The following SLC4A4 variants were observed in gnomAD, a reference collection of about 807,000 sequenced individuals.
SLC4A4 encodes the protein electrogenic sodium bicarbonate cotransporter 1.
SLC4A4 carries 27 observed loss-of-function variants against 111.5 expected under a neutral mutation model. The ratio of observed to expected loss-of-function variants is 0.24; its 90% CI spans 0.18 to 0.33. The LOEUF (loss-of-function observed/expected upper bound fraction) is 0.33, where lower values mean the gene tolerates loss of function less well. Ranked by LOEUF, SLC4A4 falls within the 10% of genes least tolerant of loss-of-function variation. The probability of loss-of-function intolerance (pLI) is 1.00; values close to 1 mark genes in which losing one functional copy is unlikely to be tolerated. For missense variants in SLC4A4, 909 were observed against 1,315.5 expected, an observed-to-expected ratio of 0.69 and a Z score of 4.78; for synonymous variants, 443 against 463.4, an observed-to-expected ratio of 0.96 and a Z score of 0.57.
intron 2 of SLC4A4, among the ~76,000 whole-genome samples, chr4:71,248,576 G>A (rs946550342): frequency 6.6e-6 from 1 of 152,010 alleles, no homozygotes; most frequent in African/African-American, 2.4e-5. Flanking sequence ...TTTACATAGG[G>A]TAACCTGATT....
At chr4:71,475,298 A>G (rs1183025722) in intron 14 of SLC4A4, among the ~76,000 whole-genome samples, 1 of 151,832 alleles carries the variant, frequency 6.6e-6, no homozygotes, top group Non-Finnish European at 1.5e-5. Context: ...TTGTTTTATA[A>G]TTTGGATGTT....
At chr4:71,136,491 G>A (rs1428555380) in intron 2 of SLC4A4, among the ~76,000 whole-genome samples, 1 of 152,172 alleles carries the variant, frequency 6.6e-6, no homozygotes, top group African/African-American at 2.4e-5. Context: ...ATGTGGTGAT[G>A]TACAGCATTG....
intron 6 of SLC4A4, among the ~76,000 whole-genome samples, chr4:71,368,067 A>G (rs1731489323): frequency 6.6e-6 from 1 of 152,180 alleles, no homozygotes; most frequent in African/African-American, 2.4e-5. Context: ...ATGTAGTCTG[A>G]TGGCTAGATA....
chr4:71,365,763 A>G (rs1731191422), intron 6 of SLC4A4, among the ~76,000 whole-genome samples: 1 of 152,226 alleles, frequency 6.6e-6, no homozygotes. Flanking sequence ...CATTAACTAT[A>G]TTAGTAGTAG....
intron 2 of SLC4A4, among the ~76,000 whole-genome samples, chr4:71,238,656 G>A (rs2149040185): frequency 6.6e-6 from 1 of 152,278 alleles, no homozygotes; most frequent in Admixed American, 6.5e-5. Flanking sequence ...TAAGAAGATT[G>A]CTTATGGATT....
chr4:71,166,959 C>T (rs1744793389), intron 2 of SLC4A4, among the ~76,000 whole-genome samples: 2 of 152,074 alleles, frequency 1.3e-5, no homozygotes, highest in African/African-American at 4.8e-5. Context: ...GATCTGAATA[C>T]CACTGCTGCT....
Position 71,255,201 on chromosome 4 carries a change from A to T in SLC4A4, c.74-19A>T. 2 of 1,612,302 alleles carry T rather than the reference A, an allele frequency of 1.2e-6. No homozygotes were observed. The highest frequency in any genetic ancestry group is 1.7e-6 in the Non-Finnish European group (2 of 1,178,616). On this transcript the variant is annotated intron_variant, in intron 2 of 25. Transcript: ENST00000264485. ...AGAATGTGGTTTGAACTGACTGGTG[A>T]TTTGTGTACCTTCCTTAGGCCACCA...
chr4:71,272,785 A>T (rs2149082492), intron 3 of SLC4A4, among the ~76,000 whole-genome samples: 2 of 152,300 alleles, frequency 1.3e-5, no homozygotes, highest in Middle Eastern at 6.8e-3. Flanking sequence ...AACCTTAAAA[A>T]TATTTCAGTG....
rs139405839 is a variant in SLC4A4, at chr4:71,465,106, C to T, written c.1498-1338C>T. On this transcript the variant is annotated intron_variant, in intron 12 of 25. Transcript: ENST00000264485. ...GGACACTGCAGATTCCCCAGAAATC[C>T]ACTCTGCTCCAGTCAAGGGGTCATT... is the stretch of plus-strand genomic sequence containing the variant. Among the ~76,000 whole-genome samples, 249 of 152,102 alleles carry T rather than the reference C, an allele frequency of 1.6e-3. 1 individual carries two copies. Among genetic ancestry groups the T allele is most frequent in the Middle Eastern group, 0.01 (3 of 292 alleles).
intron 1 of SLC4A4, among the ~76,000 whole-genome samples, chr4:71,191,042 C>A (rs922352026): frequency 6.6e-6 from 1 of 152,174 alleles, no homozygotes; most frequent in African/African-American, 2.4e-5. Flanking sequence ...ATTACATGAG[C>A]TATCCAATAG....
chr4:71,487,118 T>A, intron 15 of SLC4A4, 100 bp downstream of exon 15: 1 of 745,436 alleles, frequency 1.3e-6, no homozygotes, highest in Non-Finnish European at 2.4e-6. Context: ...ACTCAGCAAT[T>A]CTGGCATGAA....
At chr4:71,101,884 G>C (rs1350161068) in intron 2 of SLC4A4, among the ~76,000 whole-genome samples, 1 of 152,096 alleles carries the variant, frequency 6.6e-6, no homozygotes, top group South Asian at 2.1e-4. Context: ...CCAAAGGAAC[G>C]CAGTTCCTCA....
chr4:71,168,384 T>C (rs925956131), intron 2 of SLC4A4, among the ~76,000 whole-genome samples: 1 of 151,946 alleles, frequency 6.6e-6, no homozygotes, highest in Admixed American at 6.6e-5. Context: ...GGTTTCACCA[T>C]GTTGGCCAGG....
intron 13 of SLC4A4, among the ~76,000 whole-genome samples, chr4:71,469,337 A>C (rs1012713248): frequency 2.1e-4 from 32 of 151,898 alleles, no homozygotes; most frequent in Admixed American, 1.4e-3. Flanking sequence ...TAAGCCTTCA[A>C]ATTTTTAATT....
At chr4:71,326,075 A>T (rs1357318994) in intron 3 of SLC4A4, among the ~76,000 whole-genome samples, 5 of 152,010 alleles carry the variant, frequency 3.3e-5, no homozygotes, top group African/African-American at 1.2e-4. Context: ...CCTTATGTCT[A>T]CTTAGCCTCC....
intron 7 of SLC4A4, among the ~76,000 whole-genome samples, chr4:71,421,301 A>G (rs1287629032): frequency 6.6e-6 from 1 of 152,192 alleles, no homozygotes; most frequent in Non-Finnish European, 1.5e-5. Context: ...CTAAATATAT[A>G]TGCACCCAAT....
At chr4:71,138,832 T>C (rs1039897211) in intron 2 of SLC4A4, among the ~76,000 whole-genome samples, 4 of 151,808 alleles carry the variant, frequency 2.6e-5, no homozygotes, top group Non-Finnish European at 4.4e-5. Flanking sequence ...GTCAGGAGAT[T>C]GAGACCATTC....
chr4:71,085,077 A>C (rs1419416579), intron 1 of SLC4A4, among the ~76,000 whole-genome samples: 3 of 151,930 alleles, frequency 2.0e-5, no homozygotes, highest in Non-Finnish European at 4.4e-5. Flanking sequence ...TTGTTTCCTG[A>C]CTTTTTAATG....
At chr4:71,254,187 G>T (rs903871784) in intron 2 of SLC4A4, among the ~76,000 whole-genome samples, 1 of 152,092 alleles carries the variant, frequency 6.6e-6, no homozygotes, top group African/African-American at 2.4e-5. Flanking sequence ...AATCTAATTT[G>T]CAGTTCAGAC....
Sources: allele counts gnomAD v4.1 joint callset (sites outside exome capture counted in the v4.1 genomes callset), GRCh38; gene constraint gnomAD v4.1.1; transcripts MANE v1.5; gene names NCBI Gene and HGNC (gene_info 2026-07-23, HGNC 2026-07-21).